SCPPPQ1: variants seen among roughly 807,000 people sequenced by gnomAD.
SCPPPQ1 encodes secretory calcium-binding phosphoprotein proline-glutamine rich 1, also known as secretory calcium-binding phosphoprotein proline- and glutamine-rich 1.
chr4:87,463,021 G>T, the SCPPPQ1 span, among the ~76,000 whole-genome samples: 4 of 147,418 alleles, frequency 2.7e-5, no homozygotes, highest in South Asian at 2.1e-4. Context: ...AAAGCCTGAA[G>T]CAAACTTTGT....
the SCPPPQ1 span, chr4:87,461,938 G>A: frequency 1.3e-5 from 2 of 152,292 alleles, no homozygotes; most frequent in South Asian, 4.1e-4. Context: ...GGATATAAAT[G>A]CATGAAAGAA....
the SCPPPQ1 span, among the ~76,000 whole-genome samples, chr4:87,463,431 T>C: frequency 6.6e-6 from 1 of 152,108 alleles, no homozygotes; most frequent in African/African-American, 2.4e-5. Flanking sequence ...TGGTTCAAAA[T>C]AGCAATGAGT....
the SCPPPQ1 span, among the ~76,000 whole-genome samples, chr4:87,462,616 C>G: frequency 6.6e-6 from 1 of 152,128 alleles, no homozygotes; most frequent in Admixed American, 6.6e-5. Flanking sequence ...GATGTGTTAC[C>G]TTGCCTTGAG....
the SCPPPQ1 span, among the ~76,000 whole-genome samples, chr4:87,464,539 C>A: frequency 6.6e-6 from 1 of 151,950 alleles, no homozygotes; most frequent in Non-Finnish European, 1.5e-5. Flanking sequence ...ATATTACTTC[C>A]TATAATCGTA....
At chr4:87,465,862 C>CT in the SCPPPQ1 span, among the ~76,000 whole-genome samples, 1 of 151,868 alleles carries the variant, frequency 6.6e-6, no homozygotes, top group Admixed American at 6.6e-5. Context: ...AGGAATCTGT[C>CT]TTAATGTGTT....
the SCPPPQ1 span, among the ~76,000 whole-genome samples, chr4:87,468,421 C>T: frequency 1.7e-4 from 26 of 152,294 alleles, no homozygotes; most frequent in Admixed American, 1.0e-3. Flanking sequence ...ATTTTGAAAG[C>T]TCCCTCACTT....
At chr4:87,470,262 A>C in the SCPPPQ1 span, among the ~76,000 whole-genome samples, 12 of 152,166 alleles carry the variant, frequency 7.9e-5, no homozygotes, top group Admixed American at 1.3e-4. Flanking sequence ...CACTGTGCTC[A>C]ATTCTACTCA....
At chr4:87,469,589 C>T in the SCPPPQ1 span, among the ~76,000 whole-genome samples, 1 of 152,140 alleles carries the variant, frequency 6.6e-6, no homozygotes, top group Non-Finnish European at 1.5e-5. Flanking sequence ...AGGGTGTACT[C>T]ACGGGGATGG....
At chr4:87,461,322 T>C in the SCPPPQ1 span, among the ~76,000 whole-genome samples, 1 of 152,340 alleles carries the variant, frequency 6.6e-6, no homozygotes, top group South Asian at 2.1e-4. Context: ...CTATTCTGTC[T>C]GTTGTATTCC....
At chr4:87,470,989 A>G in the SCPPPQ1 span, among the ~76,000 whole-genome samples, 11 of 152,240 alleles carry the variant, frequency 7.2e-5, no homozygotes, top group East Asian at 1.9e-3. Context: ...GAATCAGTCC[A>G]AATTATACTA....
chr4:87,461,431 A>G, the SCPPPQ1 span, among the ~76,000 whole-genome samples: 2 of 152,338 alleles, frequency 1.3e-5, no homozygotes, highest in South Asian at 4.1e-4. Context: ...ATAGTATTGC[A>G]GTTATGATTT....
At chr4:87,470,250 G>C in the SCPPPQ1 span, among the ~76,000 whole-genome samples, 1 of 152,288 alleles carries the variant, frequency 6.6e-6, no homozygotes, top group South Asian at 2.1e-4. Flanking sequence ...ACAGGTGTGA[G>C]CCACTGTGCT....
the SCPPPQ1 span, chr4:87,461,032 A>C: frequency 2.9e-4 from 44 of 152,788 alleles, no homozygotes; most frequent in African/African-American, 1.0e-3. Context: ...TCCTAGAGGA[A>C]GATCTATCTG....
the SCPPPQ1 span, chr4:87,460,958 T>C: frequency 6.6e-6 from 1 of 152,664 alleles, no homozygotes; most frequent in African/African-American, 2.4e-5. Flanking sequence ...GATACTCTTC[T>C]GATAACTGTA....
the SCPPPQ1 span, among the ~76,000 whole-genome samples, chr4:87,466,043 G>T: frequency 6.6e-6 from 1 of 152,070 alleles, no homozygotes; most frequent in Non-Finnish European, 1.5e-5. Flanking sequence ...TGTTAACAGC[G>T]ATTCCTAAGT....
At chr4:87,470,320 A>G in the SCPPPQ1 span, among the ~76,000 whole-genome samples, 8 of 152,286 alleles carry the variant, frequency 5.3e-5, no homozygotes, top group South Asian at 1.7e-3. Context: ...TTAGTAATTG[A>G]TCACTACTGG....
chr4:87,464,957 T>TA, the SCPPPQ1 span, among the ~76,000 whole-genome samples: 1 of 152,240 alleles, frequency 6.6e-6, no homozygotes, highest in African/African-American at 2.4e-5. Flanking sequence ...ACTAATTCAG[T>TA]AAAATCTTTT....
At chr4:87,466,913 A>G in the SCPPPQ1 span, among the ~76,000 whole-genome samples, 1 of 152,198 alleles carries the variant, frequency 6.6e-6, no homozygotes, top group Non-Finnish European at 1.5e-5. Context: ...AAAGAAAAAA[A>G]TCATTGCTTA....
the SCPPPQ1 span, among the ~76,000 whole-genome samples, chr4:87,463,189 A>G: frequency 6.6e-6 from 1 of 152,132 alleles, no homozygotes; most frequent in Non-Finnish European, 1.5e-5. Context: ...TTGGTAGATC[A>G]GTTGAGGTTG....
Sources: gnomAD v4.1 joint callset for allele counts (sites outside exome capture counted in the v4.1 genomes callset) on GRCh38, gnomAD v4.1.1 for gene constraint, MANE v1.5 for transcripts, NCBI Gene and HGNC (gene_info 2026-07-23, HGNC 2026-07-21) for gene names.